GTF2IRD1: variants seen among roughly 807,000 people sequenced by gnomAD.
GTF2IRD1 encodes GTF2I repeat domain containing 1.
Under a neutral mutation model 113.2 loss-of-function variants are expected in GTF2IRD1, and 26 were observed. The ratio of observed to expected loss-of-function variants is 0.23; its 90% CI spans 0.17 to 0.32. The LOEUF (loss-of-function observed/expected upper bound fraction) is 0.32. Among genes scored for constraint, GTF2IRD1 ranks in the 10% least tolerant of loss-of-function variants. The pLI is 1.00. For missense variants in GTF2IRD1, 864 were observed against 1,280.8 expected (o/e 0.67, Z 4.97); for synonymous variants, 484 against 529.1 (o/e 0.91, Z 1.17).
intron 22 of GTF2IRD1, among the ~76,000 whole-genome samples, chr7:74,567,153 C>T (rs1284681755): frequency 2.0e-5 from 3 of 152,010 alleles, no homozygotes; most frequent in African/African-American, 7.3e-5. Flanking sequence ...CATGGTGAAA[C>T]CCCGTCTCTA....
rs186073698 is a variant in GTF2IRD1, at chr7:74,547,350, A to G, written c.1916+64A>G. The G allele has an allele frequency of 1.5e-4, 194 of 1,325,266 alleles. No homozygotes were observed. In the African/African-American group the frequency reaches 2.7e-3, roughly 19 times the overall value. 82.1% of individuals were successfully genotyped at this position (1,325,266 alleles called of 1,614,324 possible). A position where few individuals can be genotyped will look rare whatever the true frequency, so the allele number is the denominator to read the frequency against. ...CTGCTCAGCACCAAGGGGCAGGAGC[A>G]GCACCAAATTGCCATCAAGCAATTC... is the stretch of plus-strand genomic sequence containing the variant. On this transcript the variant is annotated intron_variant, in intron 17 of 26. Transcript: ENST00000424337.
chr7:74,568,635 G>A (rs1476643457), intron 22 of GTF2IRD1, among the ~76,000 whole-genome samples: 9 of 152,176 alleles, frequency 5.9e-5, no homozygotes, highest in East Asian at 3.9e-4. Flanking sequence ...GCGACAGAGC[G>A]AGACTCTGTC....
intron 1 of GTF2IRD1, among the ~76,000 whole-genome samples, chr7:74,456,435 G>A (rs1275377351): frequency 6.6e-6 from 1 of 152,280 alleles, no homozygotes; most frequent in African/African-American, 2.4e-5. Context: ...TGTAATCCCA[G>A]CACTTTGGGA....
intron 1 of GTF2IRD1, among the ~76,000 whole-genome samples, chr7:74,490,967 C>G (rs1795303552): frequency 6.6e-6 from 1 of 152,096 alleles, no homozygotes; most frequent in African/African-American, 2.4e-5. Context: ...TGTTAATTTC[C>G]TGAAGCTGCT....
intron 1 of GTF2IRD1, among the ~76,000 whole-genome samples, chr7:74,496,545 G>T (rs1795729164): frequency 6.8e-6 from 1 of 146,198 alleles, no homozygotes; most frequent in East Asian, 2.1e-4. Context: ...ATGTGTGGGT[G>T]TGTGCGTTTG....
At chr7:74,478,188 C>T (rs889592563) in intron 1 of GTF2IRD1, among the ~76,000 whole-genome samples, 6 of 152,244 alleles carry the variant, frequency 3.9e-5, no homozygotes, top group Non-Finnish European at 7.3e-5. Context: ...ACCCAGCACT[C>T]CCCAACCGCC....
chr7:74,481,427 G>A (rs1463248666), intron 1 of GTF2IRD1, among the ~76,000 whole-genome samples: 1 of 152,140 alleles, frequency 6.6e-6, no homozygotes, highest in Non-Finnish European at 1.5e-5. Context: ...CCAGAGTGTT[G>A]GGATTACAGG....
At chr7:74,493,344 T>C (rs782720202) in intron 1 of GTF2IRD1, among the ~76,000 whole-genome samples, 13 of 151,850 alleles carry the variant, frequency 8.6e-5, no homozygotes, top group Non-Finnish European at 1.9e-4. Flanking sequence ...ACTCCTGGGC[T>C]CAAGCAATCC....
At chr7:74,487,587 A>G (rs1795103859) in intron 1 of GTF2IRD1, 1 of 152,184 alleles carries the variant, frequency 6.6e-6, no homozygotes, top group South Asian at 2.1e-4. Context: ...AGAGAAAGAT[A>G]AATTATCCAC....
At chr7:74,526,321 G>A (rs972151539) in intron 8 of GTF2IRD1, among the ~76,000 whole-genome samples, 2 of 152,202 alleles carry the variant, frequency 1.3e-5, no homozygotes, top group African/African-American at 2.4e-5. Context: ...GGGGAGCTGC[G>A]TGGGGGAGAA....
intron 22 of GTF2IRD1, among the ~76,000 whole-genome samples, chr7:74,568,242 A>G (rs1361420087): frequency 6.8e-6 from 1 of 147,920 alleles, no homozygotes; most frequent in Non-Finnish European, 1.5e-5. Flanking sequence ...GTGGTGGCTC[A>G]CGCCTGTAAT....
chr7:74,602,427 T>C lies in GTF2IRD1; in HGVS notation c.2829T>C (p.Asn943=). Residue 943 remains asparagine, a synonymous_variant, in exon 27 of 27, where the codon AAT becomes AAC. Coordinates refer to ENST00000424337, the MANE Select transcript of GTF2IRD1 (RefSeq NM_005685.4). The stretch of plus-strand genomic sequence containing the variant: ...ACGTGCAGCTCCCGGGACCTCTTAA[T>C]TACTAGACCTCAGTACTGAATCAGG... ...GLNVQLPGPL[N]Y is the part of the protein sequence containing the mutation. 6.2e-7 allele frequency: 1 copy of C among 1,612,972 alleles called. No homozygotes were observed. Among genetic ancestry groups the C allele is most frequent in the Non-Finnish European group, 8.5e-7 (1 of 1,179,108 alleles).
chr7:74,476,003 G>C (rs1393652202), intron 1 of GTF2IRD1, among the ~76,000 whole-genome samples: 1 of 152,182 alleles, frequency 6.6e-6, no homozygotes, highest in Non-Finnish European at 1.5e-5. Flanking sequence ...ATGTCTGTGT[G>C]CGTGGAGGTG....
chr7:74,493,478 C>T (rs1283763844), intron 1 of GTF2IRD1, among the ~76,000 whole-genome samples: 5 of 152,112 alleles, frequency 3.3e-5, no homozygotes, highest in South Asian at 2.1e-4. Context: ...AGAATAATCC[C>T]CTACCTCAAG....
chr7:74,493,735 T>C (rs1795495280), intron 1 of GTF2IRD1, among the ~76,000 whole-genome samples: 1 of 152,028 alleles, frequency 6.6e-6, no homozygotes, highest in African/African-American at 2.4e-5. Context: ...TATTCTCATT[T>C]ATGTGGACTC....
intron 22 of GTF2IRD1, among the ~76,000 whole-genome samples, chr7:74,568,356 G>A (rs60232979): frequency 0.45 from 36,970 of 81,526 alleles, 5,100 homozygotes; most frequent in East Asian, 0.57. Context: ...AAAAAAAAAA[G>A]AAGGAGAAAG....
chr7:74,496,485 ATGTGTGTGTGTG>A (rs201962320), intron 1 of GTF2IRD1, among the ~76,000 whole-genome samples: 1 of 92,768 alleles, frequency 1.1e-5, no homozygotes, highest in Non-Finnish European at 2.0e-5. Flanking sequence ...GTGTGCACGT[ATGTGTGTGTGTG>A]TGTGTTCATG....
intron 9 of GTF2IRD1, among the ~76,000 whole-genome samples, chr7:74,533,097 T>C (rs1482695546): frequency 6.6e-6 from 1 of 151,292 alleles, no homozygotes; most frequent in Non-Finnish European, 1.5e-5. Flanking sequence ...GACCTTTATT[T>C]CATCCTCATT....
intron 26 of GTF2IRD1, chr7:74,601,552 C>T (rs1398836436): frequency 1.7e-6 from 2 of 1,180,868 alleles, no homozygotes; most frequent in Non-Finnish European, 2.3e-6. Flanking sequence ...TCGGGTGGAT[C>T]ACCTGAGGTC....
Sources: allele counts gnomAD v4.1 joint callset (sites outside exome capture counted in the v4.1 genomes callset), GRCh38; gene constraint gnomAD v4.1.1; transcripts MANE v1.5; gene names NCBI Gene and HGNC (gene_info 2026-07-23, HGNC 2026-07-21).